The following SREK1 variants were observed in gnomAD, a reference collection of about 807,000 sequenced individuals.
The protein encoded by SREK1 is splicing regulatory glutamine/lysine-rich protein 1.
Under a neutral mutation model 66.5 loss-of-function variants are expected in SREK1, and 13 were observed. That is an observed-to-expected ratio of 0.20 (90% CI 0.13 to 0.31). SREK1 has a LOEUF of 0.31. Among genes scored for constraint, SREK1 ranks in the 10% least tolerant of loss-of-function variants. The pLI, the probability that SREK1 is intolerant of heterozygous loss-of-function variation, is 1.00. For missense variants in SREK1, 607 were observed against 769.6 expected (o/e 0.79, Z 2.50); for synonymous variants, 265 against 263.5 (o/e 1.01, Z -0.05).
chr5:66,165,784 T>C (rs947262757), intron 7 of SREK1: 1 of 152,092 alleles, frequency 6.6e-6, no homozygotes, highest in African/African-American at 2.4e-5. Context: ...TCTGTGTATG[T>C]TGGGATTTTA....
Position 66,180,086 on chromosome 5 carries a change from T to C in SREK1, c.*1218T>C, listed in dbSNP as rs1342780751. 6.6e-6 allele frequency: 1 copy of C among 152,544 alleles called. No homozygotes were observed. Among genetic ancestry groups the C allele is most frequent in the South Asian group, 2.1e-4 (1 of 4,834 alleles). 9.4% of individuals were successfully genotyped at this position (152,544 alleles called of 1,614,324 possible). Reference sequence around the variant, plus strand: ...TACCTCTCAATCATCTTTTCATAAATGATGTGCAGAAATTGTACTTAAGGA... The same window carrying C: ...TACCTCTCAATCATCTTTTCATAAACGATGTGCAGAAATTGTACTTAAGGA... On this transcript the variant is annotated 3_prime_UTR_variant, in exon 12 of 12. Coordinates refer to ENST00000334121, the MANE Select transcript of SREK1 (RefSeq NM_001077199.3).
intron 11 of SREK1, among the ~76,000 whole-genome samples, chr5:66,178,445 T>A (rs1460021219): frequency 1.3e-5 from 2 of 152,012 alleles, no homozygotes; most frequent in Non-Finnish European, 2.9e-5. Flanking sequence ...TAGATCTGTC[T>A]CCGTTTTTCA....
rs944527220 is a variant in SREK1, at chr5:66,179,132, C to G, written c.*264C>G. 2 of 261,304 alleles carry G rather than the reference C, an allele frequency of 7.7e-6. No individual in the cohort carries two copies. The highest frequency in any genetic ancestry group is 4.4e-5 in the African/African-American group (2 of 45,488). The allele number at this position is 261,304 out of a possible 1,614,324, so 16.2% of individuals were successfully genotyped here. A position where few individuals can be genotyped will look rare whatever the true frequency, so the allele number is the denominator to read the frequency against. ...GTGGCTGACACACTTGTCATGTGGTCTGTTAGTGTTTGCCAAGAACCATTG... is the reference window on the plus strand; with the variant it reads ...GTGGCTGACACACTTGTCATGTGGTGTGTTAGTGTTTGCCAAGAACCATTG... On this transcript the variant is annotated 3_prime_UTR_variant, in exon 12 of 12. Transcript: ENST00000334121.
chr5:66,170,235 ATAT>A, intron 8 of SREK1, 65 bp downstream of exon 8: 1 of 1,516,634 alleles, frequency 6.6e-7, no homozygotes, highest in Non-Finnish European at 8.9e-7. Context: ...CTAAGGGATA[ATAT>A]TTTAATTGGC....
chr5:66,145,715 C>T (rs1743131387), intron 1 of SREK1, among the ~76,000 whole-genome samples: 1 of 150,252 alleles, frequency 6.7e-6, no homozygotes, highest in Non-Finnish European at 1.5e-5. Flanking sequence ...CTGTTTTTGG[C>T]TACAGTTGAT....
chr5:66,158,882 G>A, intron 2 of SREK1: 1 of 1,294,556 alleles, frequency 7.7e-7, no homozygotes, highest in Non-Finnish European at 1.0e-6. Flanking sequence ...TCCTGGGAAA[G>A]CGTCCATGCT....
chr5:66,171,160 T>A (rs1203794421), intron 9 of SREK1, among the ~76,000 whole-genome samples: 1 of 152,178 alleles, frequency 6.6e-6, no homozygotes, highest in African/African-American at 2.4e-5. Context: ...TAGCTATTCT[T>A]TGTAACCACT....
At chr5:66,169,961 T>C (rs1338249191) in intron 7 of SREK1, 90 bp from the exon 8 acceptor site, 3 of 1,039,754 alleles carry the variant, frequency 2.9e-6, no homozygotes, top group Non-Finnish European at 3.9e-6. Flanking sequence ...TTTTAAAATA[T>C]TGTTAAATAC....
At chr5:66,169,156 T>C (rs1042046498) in intron 7 of SREK1, 1 of 152,216 alleles carries the variant, frequency 6.6e-6, no homozygotes, top group Non-Finnish European at 1.5e-5. Context: ...TACCTCGTTA[T>C]GAAAAAAATC....
chr5:66,177,425 T>C, intron 10 of SREK1, 89 bp from the exon 11 acceptor site: 1 of 1,048,240 alleles, frequency 9.5e-7, no homozygotes, highest in Non-Finnish European at 1.3e-6. Context: ...TTATTTTAGA[T>C]ATCCAGTGTT....
chr5:66,160,025 GA>G (rs1744616253), intron 3 of SREK1, among the ~76,000 whole-genome samples: 2 of 152,128 alleles, frequency 1.3e-5, no homozygotes, highest in Non-Finnish European at 2.9e-5. Context: ...AGCTGCTCGG[GA>G]GGCCGAGGCT....
Position 66,178,711 on chromosome 5 carries a change from C to T in SREK1, c.1726-8C>T. On this transcript the variant is annotated splice_polypyrimidine_tract_variant and splice_region_variant and intron_variant, in intron 11 of 11. Coordinates refer to ENST00000334121, the MANE Select transcript of SREK1 (RefSeq NM_001077199.3). ...ATATTAAATGCATACCTTAATTACT[C>T]ATTGTAGGAGAAAGAGCACAATAAA... 6.3e-7 allele frequency: 1 copy of T among 1,587,042 alleles called. No homozygotes were observed. The highest frequency in any genetic ancestry group is 1.7e-5 in the Admixed American group (1 of 57,794).
intron 10 of SREK1, chr5:66,177,282 A>G (rs1746136136): frequency 5.4e-6 from 2 of 368,692 alleles, no homozygotes; most frequent in East Asian, 8.8e-5. Context: ...ATGAGAACAT[A>G]TGGTGGCCTC....
rs2112133343 is a variant in SREK1 at position 66,181,639 on chromosome 5, G to GCAT, written c.*2774_*2776dup. 6.6e-6 allele frequency: 1 copy of GCAT among 152,192 alleles called. No homozygotes were observed. The highest frequency in any genetic ancestry group is 2.1e-4 in the South Asian group (1 of 4,826). The allele number at this position is 152,192 out of a possible 1,614,324, so 9.4% of individuals were successfully genotyped here. On this transcript the variant is annotated 3_prime_UTR_variant, in exon 12 of 12. Coordinates refer to ENST00000334121, the MANE Select transcript of SREK1 (RefSeq NM_001077199.3). ...TGCTGAACTAGTATCATAAGATGGT[G>GCAT]CATCAGTTCATAAGCTAGTGCATAA...
chr5:66,170,102 T>C lies in SREK1; in HGVS notation c.1053T>C (p.Ser351=), dbSNP rs765246244. ...SRSRQKDRRR[S]KSPHKKRSKS... is the part of the protein sequence containing the mutation. Reference sequence around the variant, plus strand: ...CAAGACAGAAAGACAGACGTAGATCTAAGAGCCCACATAAAAAACGCTCTA... The same window carrying C: ...CAAGACAGAAAGACAGACGTAGATCCAAGAGCCCACATAAAAAACGCTCTA... The change falls in exon 8 of 12, where the codon TCT becomes TCC. Residue 351 remains serine, a synonymous_variant. Coordinates refer to ENST00000334121, the MANE Select transcript of SREK1 (RefSeq NM_001077199.3). 2.5e-5 allele frequency: 40 copies of C among 1,613,102 alleles called. No individual in the cohort carries two copies. Among genetic ancestry groups the C allele is most frequent in the Non-Finnish European group, 3.4e-5 (40 of 1,179,466 alleles).
intron 3 of SREK1, among the ~76,000 whole-genome samples, chr5:66,161,812 A>G (rs1438876240): frequency 2.0e-5 from 3 of 152,332 alleles, no homozygotes; most frequent in African/African-American, 7.2e-5. Context: ...TCAATAATTC[A>G]TTGTTCACGG....
At position 66,144,601 on chromosome 5, in the gene SREK1, G is replaced by A. The variant is rs13361628; in HGVS notation, c.161+64G>A. On this transcript the variant is annotated intron_variant, in intron 1 of 11. Coordinates refer to ENST00000334121, the MANE Select transcript of SREK1 (RefSeq NM_001077199.3). Reference sequence around the variant, plus strand: ...CCATAGAGACCTCGGGAGCCGAGGCGTGGAGGAGAGCGCGGACGCGGGCGC... The same window carrying A: ...CCATAGAGACCTCGGGAGCCGAGGCATGGAGGAGAGCGCGGACGCGGGCGC... 13,677 of 1,491,028 alleles carry A rather than the reference G, an allele frequency of 9.2e-3. 1,061 individuals carry two copies. In the African/African-American group the frequency reaches 0.17, roughly 18 times the overall value. The allele number at this position is 1,491,028 out of a possible 1,614,324, so 92.4% of individuals were successfully genotyped here.
rs1285166072 is a variant in SREK1 at position 66,181,900 on chromosome 5, C to CCGGG, written c.*3032_*3033insCGGG. 1 of 58,556 alleles carries CCGGG rather than the reference C, an allele frequency of 1.7e-5. No homozygotes were observed. Among genetic ancestry groups the CCGGG allele is most frequent in the African/African-American group, 5.2e-5 (1 of 19,140 alleles). The allele number at this position is 58,556 out of a possible 1,614,324, so 3.6% of individuals were successfully genotyped here. ...GTTTATAATGAAAAGGTTTTTTTGT[C>CCGGG]GGGGGGGGGGGGGTCAAGAGAATTT... On this transcript the variant is annotated 3_prime_UTR_variant, in exon 12 of 12. Coordinates refer to ENST00000334121, the MANE Select transcript of SREK1 (RefSeq NM_001077199.3).
chr5:66,169,246 G>A (rs1035230422), intron 7 of SREK1: 7 of 152,154 alleles, frequency 4.6e-5, no homozygotes, highest in African/African-American at 9.7e-5. Flanking sequence ...GCAATTAAAC[G>A]TTTCCTGCAG....
Sources: allele counts gnomAD v4.1 joint callset (sites outside exome capture counted in the v4.1 genomes callset), GRCh38; gene constraint gnomAD v4.1.1; transcripts MANE v1.5; gene names NCBI Gene and HGNC (gene_info 2026-07-23, HGNC 2026-07-21).